ASNS: variants seen among roughly 807,000 people sequenced by gnomAD.
ASNS encodes the protein asparagine synthetase (glutamine-hydrolyzing).
A neutral mutation model predicts 62.6 loss-of-function variants in ASNS; 37 were observed. The observed-to-expected ratio is 0.59, with a 90% confidence interval of 0.45 to 0.78. The LOEUF (loss-of-function observed/expected upper bound fraction) is 0.78. Among genes scored for constraint, ASNS ranks in the 30% least tolerant of loss-of-function variants. ASNS has a pLI of 0.00. For synonymous variants in ASNS, 207 were observed against 237.9 expected, an observed-to-expected ratio of 0.87 and a Z score of 1.19; for missense variants, 520 against 682.4, an observed-to-expected ratio of 0.76 and a Z score of 2.65.
chr7:97,919,730 G>T, the ASNS span, among the ~76,000 whole-genome samples: 1 of 152,092 alleles, frequency 6.6e-6, no homozygotes, highest in African/African-American at 2.4e-5. Context: ...AGGAAAGGGG[G>T]ACAAGAAGCC....
At chr7:97,858,976 C>A in intron 5 of ASNS, 21 bp from the exon 6 acceptor site, 2 of 1,581,964 alleles carry the variant, frequency 1.3e-6, no homozygotes, top group South Asian at 2.3e-5. Context: ...AGCAGTAAAT[C>A]AAACAGCTCC....
chr7:97,908,547 C>G, the ASNS span: 3 of 151,810 alleles, frequency 2.0e-5, no homozygotes, highest in Non-Finnish European at 4.4e-5. Context: ...ATTACAGGCA[C>G]GCACCACTAC....
Position 97,855,389 on chromosome 7 carries a change from T to C in ASNS, c.1101A>G (p.Ser367=), listed in dbSNP as rs1584459646. Residue 367 remains serine (S), a synonymous_variant, in exon 9 of 13, where the codon TCA becomes TCG. Transcript: ENST00000394308. ...ATATGTAACCCTGCGTAAGTTCATC[T>C]GATCCTTCTCCAGAGAAGATCACCA... ...DSVVIFSGEG[S]DELTQGYIYF... The C allele has an allele frequency of 1.2e-6, 2 of 1,612,980 alleles. No homozygotes were observed. Among genetic ancestry groups the C allele is most frequent in the Non-Finnish European group, 1.7e-6 (2 of 1,179,582 alleles).
the ASNS span, among the ~76,000 whole-genome samples, chr7:97,896,128 C>G: frequency 6.6e-6 from 1 of 152,006 alleles, no homozygotes; most frequent in Admixed American, 6.6e-5. Context: ...ACCATACTAC[C>G]TGAAGCAATC....
At chr7:97,883,709 C>T in the ASNS span, among the ~76,000 whole-genome samples, 2 of 152,158 alleles carry the variant, frequency 1.3e-5, no homozygotes, top group Non-Finnish European at 2.9e-5. Context: ...AAAGCTCGGC[C>T]GGGCGCGGTG....
At chr7:97,916,942 G>A in the ASNS span, among the ~76,000 whole-genome samples, 6 of 152,274 alleles carry the variant, frequency 3.9e-5, no homozygotes, top group Admixed American at 3.3e-4. Context: ...TGCTGCCTAG[G>A]CCCCTGGGGC....
intron 3 of ASNS, among the ~76,000 whole-genome samples, chr7:97,867,195 C>T (rs1425291785): frequency 6.7e-6 from 1 of 149,652 alleles, no homozygotes; most frequent in Non-Finnish European, 1.5e-5. Context: ...CTGCTCTTTG[C>T]CCCAGCCTTT....
chr7:97,858,227 T>C lies in ASNS; in HGVS notation c.903+51A>G, dbSNP rs1379333264. ...ATTATTGACTCCATTTTCATTCTAA[T>C]AACAAGTCTACTCTAACTACACTAC... On this transcript the variant is annotated intron_variant, in intron 7 of 12. Coordinates refer to ENST00000394308, the MANE Select transcript of ASNS (RefSeq NM_001673.5). 16 of 1,592,196 alleles carry C rather than the reference T, an allele frequency of 1.0e-5. No homozygotes were observed. In the South Asian group the frequency reaches 1.8e-4, roughly 18 times the overall value.
chr7:97,869,131 C>A lies in ASNS; in HGVS notation c.26G>T (p.Gly9Val). Residue 9 changes from glycine (G) to valine (V), a missense_variant, in exon 3 of 13, where the codon GGC becomes GTC. Transcript: ENST00000394308. ...CTGAACAGAAAGGCAATCATCACTGCCAAACAGCGCCCAAATGCCACACAT... is the reference window on the plus strand; with the variant it reads ...CTGAACAGAAAGGCAATCATCACTGACAAACAGCGCCCAAATGCCACACAT... MCGIWALF[G>V]SDDCLSVQCL... 6.2e-7 allele frequency: 1 copy of A among 1,614,152 alleles called. No homozygotes were observed. The highest frequency in any genetic ancestry group is 8.5e-7 in the Non-Finnish European group (1 of 1,180,014).
chr7:97,908,210 T>G, the ASNS span: 1 of 152,282 alleles, frequency 6.6e-6, no homozygotes, highest in Admixed American at 6.5e-5. Flanking sequence ...AATATATAAC[T>G]TCTTGTTTAT....
chr7:97,917,074 T>C, the ASNS span, among the ~76,000 whole-genome samples: 1 of 152,030 alleles, frequency 6.6e-6, no homozygotes, highest in South Asian at 2.1e-4. Flanking sequence ...AACTCATAAA[T>C]GCACACTCAT....
At chr7:97,891,791 C>T in the ASNS span, among the ~76,000 whole-genome samples, 2 of 152,236 alleles carry the variant, frequency 1.3e-5, no homozygotes, top group Non-Finnish European at 2.9e-5. Context: ...AAGGCCACAG[C>T]TCCACTCCTG....
the ASNS span, among the ~76,000 whole-genome samples, chr7:97,909,293 A>G: frequency 9.7e-6 from 1 of 102,668 alleles, no homozygotes; most frequent in Non-Finnish European, 1.8e-5. Context: ...CCTCACATAC[A>G]CTTTTTTTTT....
chr7:97,852,420 T>G lies in ASNS; in HGVS notation c.1525A>C (p.Thr509Pro). Residue 509 changes from threonine to proline, a missense_variant, in exon 13 of 13, where the codon ACT (threonine) becomes CCT (proline). Coordinates refer to ENST00000394308, the MANE Select transcript of ASNS (RefSeq NM_001673.5). ...ANAAQKFPFN[T>P]PKTKEGYYYR... ...TAATATCCTTCTTTGGTTTTAGGAG[T>G]ATTGAAGGGAAATTTCTGGGCTGCA... 1 of 1,614,044 alleles carries G rather than the reference T, an allele frequency of 6.2e-7. No individual in the cohort carries two copies. The highest frequency in any genetic ancestry group is 8.5e-7 in the Non-Finnish European group (1 of 1,180,008).
At chr7:97,874,879 A>C (rs10264151), upstream of ASNS, among the ~76,000 whole-genome samples, 35,661 of 150,010 alleles carry the variant, frequency 0.24, 2,045 homozygotes, top group East Asian at 0.37. Context: ...TGCAATCACT[A>C]AATGAAGTCA....
In ASNS at chr7:97,869,306, G is replaced by C. The variant is rs1337065805; in HGVS notation, c.-23-127C>G. On this transcript the variant is annotated intron_variant, in intron 2 of 12. Coordinates refer to ENST00000394308, the MANE Select transcript of ASNS (RefSeq NM_001673.5). ...AAATTTAAACCATCTTTTCTATAGCGATTTCCCATTAGGTTGGCAGGCACA... is the reference window on the plus strand; with the variant it reads ...AAATTTAAACCATCTTTTCTATAGCCATTTCCCATTAGGTTGGCAGGCACA... 10 of 1,120,944 alleles carry C rather than the reference G, an allele frequency of 8.9e-6. No homozygotes were observed. The Admixed American group carries it at 2.8e-4, about 32-fold the overall frequency. 69.4% of individuals were successfully genotyped at this position (1,120,944 alleles called of 1,614,324 possible).
the ASNS span, among the ~76,000 whole-genome samples, chr7:97,879,437 T>G: frequency 3.3e-5 from 5 of 152,208 alleles, no homozygotes; most frequent in African/African-American, 1.2e-4. Context: ...ACCAAGAGAA[T>G]ATGGCAGAGG....
the ASNS span, among the ~76,000 whole-genome samples, chr7:97,902,413 T>C: frequency 1.4e-4 from 22 of 152,124 alleles, no homozygotes; most frequent in Admixed American, 1.3e-4. Flanking sequence ...GTACTTTTCT[T>C]ACAAACTGAA....
At chr7:97,890,485 A>G in the ASNS span, among the ~76,000 whole-genome samples, 1 of 152,218 alleles carries the variant, frequency 6.6e-6, no homozygotes, top group East Asian at 1.9e-4. Context: ...GGGATTTCTC[A>G]GCAGAAACCT....
Sources: allele counts gnomAD v4.1 joint callset (sites outside exome capture counted in the v4.1 genomes callset), GRCh38; gene constraint gnomAD v4.1.1; transcripts MANE v1.5; gene names NCBI Gene and HGNC (gene_info 2026-07-23, HGNC 2026-07-21).